Variants in XPNPEP1 observed in about 807,000 individuals in gnomAD.
The protein encoded by XPNPEP1 is xaa-Pro aminopeptidase 1.
Under a neutral mutation model 92.4 loss-of-function variants are expected in XPNPEP1, and 39 were observed. That is an observed-to-expected ratio of 0.42 (90% CI 0.33 to 0.55). The LOEUF (loss-of-function observed/expected upper bound fraction) is 0.55. Among genes scored for constraint, XPNPEP1 ranks in the 20% least tolerant of loss-of-function variants. XPNPEP1 has a pLI of 0.08. For synonymous variants in XPNPEP1, 307 were observed against 299.4 expected, an observed-to-expected ratio of 1.03 and a Z score of -0.26; for missense variants, 654 against 856.1, an observed-to-expected ratio of 0.76 and a Z score of 2.95.
At chr10:109,915,419 G>C (rs906947857) in intron 1 of XPNPEP1, among the ~76,000 whole-genome samples, 1 of 152,090 alleles carries the variant, frequency 6.6e-6, no homozygotes, top group Non-Finnish European at 1.5e-5. Context: ...ACATCTGCCC[G>C]TTCTTTCTTT....
At chr10:109,897,061 G>C (rs2133471412) in intron 3 of XPNPEP1, among the ~76,000 whole-genome samples, 1 of 152,286 alleles carries the variant, frequency 6.6e-6, no homozygotes, top group Middle Eastern at 3.4e-3. Flanking sequence ...AAATACCTCA[G>C]GGTACAGGAC....
intron 15 of XPNPEP1, among the ~76,000 whole-genome samples, chr10:109,874,809 C>T (rs113933216): frequency 0.018 from 2,691 of 152,198 alleles, 84 homozygotes; most frequent in African/African-American, 0.062. Flanking sequence ...ATTAGCCGGG[C>T]GTGGTGGCGG....
At chr10:109,865,596 T>C (rs1489941592) in intron 20 of XPNPEP1, among the ~76,000 whole-genome samples, 1 of 152,218 alleles carries the variant, frequency 6.6e-6, no homozygotes, top group Non-Finnish European at 1.5e-5. Flanking sequence ...CCTGTGTGGC[T>C]TCATTCCCTT....
At chr10:109,899,093 T>C (rs556737392) in intron 3 of XPNPEP1, among the ~76,000 whole-genome samples, 246 of 152,334 alleles carry the variant, frequency 1.6e-3, no homozygotes, top group Non-Finnish European at 2.7e-3. Flanking sequence ...ACTCCTTGTT[T>C]CCAAATATAA....
At chr10:109,886,569 C>T (rs1234861547) in intron 7 of XPNPEP1, among the ~76,000 whole-genome samples, 1 of 152,172 alleles carries the variant, frequency 6.6e-6, no homozygotes, top group African/African-American at 2.4e-5. Context: ...TTTACGCATC[C>T]CACAAATGCC....
intron 4 of XPNPEP1, among the ~76,000 whole-genome samples, chr10:109,892,245 G>A (rs989340783): frequency 1.3e-5 from 2 of 152,150 alleles, no homozygotes; most frequent in Non-Finnish European, 2.9e-5. Context: ...ACCTTTCCTG[G>A]AGAAAGACCA....
At chr10:109,918,174 C>A (rs1327905503) in intron 1 of XPNPEP1, among the ~76,000 whole-genome samples, 3 of 152,048 alleles carry the variant, frequency 2.0e-5, no homozygotes, top group East Asian at 1.9e-4. Context: ...GTAATCCCAG[C>A]ACTTTGGGAG....
intron 6 of XPNPEP1, 153 bp downstream of exon 6, chr10:109,888,350 C>T: frequency 8.1e-7 from 1 of 1,227,938 alleles, no homozygotes; most frequent in Non-Finnish European, 1.1e-6. Flanking sequence ...ATCTTCACCA[C>T]CAGTGGAACT....
chr10:109,909,086 T>C (rs569448563), intron 2 of XPNPEP1, among the ~76,000 whole-genome samples: 3 of 151,924 alleles, frequency 2.0e-5, no homozygotes, highest in East Asian at 2.0e-4. Context: ...CTGGCTAACA[T>C]GGTGAAGCCC....
At chr10:109,922,047 C>T (rs1043424295) in intron 1 of XPNPEP1, among the ~76,000 whole-genome samples, 1 of 152,142 alleles carries the variant, frequency 6.6e-6, no homozygotes, top group African/African-American at 2.4e-5. Context: ...TGGTGGTGCT[C>T]CCGGATTCAG....
intron 20 of XPNPEP1, among the ~76,000 whole-genome samples, chr10:109,865,933 G>A (rs575314364): frequency 6.6e-6 from 1 of 152,304 alleles, no homozygotes; most frequent in East Asian, 1.9e-4. Context: ...AGGACCTGCT[G>A]GCAGGACTTG....
chr10:109,889,294 C>G (rs1848574977), intron 5 of XPNPEP1, among the ~76,000 whole-genome samples: 1 of 152,248 alleles, frequency 6.6e-6, no homozygotes, highest in African/African-American at 2.4e-5. Flanking sequence ...CCTCCACCAC[C>G]TGGATTCAAG....
chr10:109,918,857 AGGG>A (rs1564799033), intron 1 of XPNPEP1, among the ~76,000 whole-genome samples: 10 of 25,816 alleles, frequency 3.9e-4, no homozygotes, highest in African/African-American at 9.0e-4. Context: ...GGAAGGAAGG[AGGG>A]AAGGAAGGAA....
chr10:109,868,091 A>G (rs998497874), intron 20 of XPNPEP1, among the ~76,000 whole-genome samples: 12 of 152,234 alleles, frequency 7.9e-5, no homozygotes, highest in Non-Finnish European at 1.3e-4. Flanking sequence ...TCACTGCCCC[A>G]GAGTGACCAC....
At chr10:109,885,745 T>G (rs907488742) in intron 8 of XPNPEP1, among the ~76,000 whole-genome samples, 2 of 152,222 alleles carry the variant, frequency 1.3e-5, no homozygotes, top group African/African-American at 4.8e-5. Flanking sequence ...GCTGAACAAC[T>G]GCATGAAGGT....
Position 109,893,001 on chromosome 10 carries a change from T to A in XPNPEP1, c.310+11A>T, listed in dbSNP as rs1848783178. 1 of 1,612,874 alleles carries A rather than the reference T, an allele frequency of 6.2e-7. No individual in the cohort carries two copies. Among genetic ancestry groups the A allele is most frequent in the Non-Finnish European group, 8.5e-7 (1 of 1,179,480 alleles). On this transcript the variant is annotated intron_variant, in intron 4 of 20. Coordinates refer to ENST00000502935, the MANE Select transcript of XPNPEP1 (RefSeq NM_020383.4). ...AGGTGCAGCAAGAACAGAGAAAAAG[T>A]AGTGACTCACCCGCAGAGCCATCGA... is the stretch of plus-strand genomic sequence containing the variant.
At chr10:109,918,959 G>A (rs545128787) in intron 1 of XPNPEP1, among the ~76,000 whole-genome samples, 26 of 149,976 alleles carry the variant, frequency 1.7e-4, no homozygotes, top group Admixed American at 6.7e-5. Context: ...AGGAAAGGAA[G>A]GAAAGAAAAG....
intron 9 of XPNPEP1, 81 bp downstream of exon 9, chr10:109,883,986 G>A: frequency 8.0e-7 from 1 of 1,244,260 alleles, no homozygotes; most frequent in Non-Finnish European, 1.1e-6. Context: ...AGGCAGTGAT[G>A]GGTGGGCCAG....
At chr10:109,898,059 T>A (rs1017857597) in intron 3 of XPNPEP1, among the ~76,000 whole-genome samples, 4 of 152,182 alleles carry the variant, frequency 2.6e-5, no homozygotes, top group African/African-American at 9.7e-5. Flanking sequence ...GATTATAAAT[T>A]CTGAGGGAAC....
Sources: allele counts gnomAD v4.1 joint callset (sites outside exome capture counted in the v4.1 genomes callset), GRCh38; gene constraint gnomAD v4.1.1; transcripts MANE v1.5; gene names NCBI Gene and HGNC (gene_info 2026-07-23, HGNC 2026-07-21).